The following ARHGAP6 variants were observed in gnomAD, a reference collection of about 807,000 sequenced individuals.
The protein encoded by ARHGAP6 is Rho GTPase activating protein 6.
Under a neutral mutation model 55.7 loss-of-function variants are expected in ARHGAP6, and 16 were observed. The observed-to-expected ratio is 0.29, with a 90% CI of 0.19 to 0.44. The LOEUF (loss-of-function observed/expected upper bound fraction) is 0.44, where lower values mean the gene tolerates loss of function less well. ARHGAP6 is among the 20% of genes least tolerant of loss of function. ARHGAP6 has a pLI of 1.00. For missense variants in ARHGAP6, 698 were observed against 808.9 expected, an observed-to-expected ratio of 0.86 and a Z score of 1.66; for synonymous variants, 382 against 360.9, an observed-to-expected ratio of 1.06 and a Z score of -0.66.
intron 1 of ARHGAP6, among the ~76,000 whole-genome samples, chrX:11,274,850 T>C (rs1037517580): frequency 9.0e-6 from 1 of 111,532 alleles, no homozygotes; most frequent in South Asian, 3.8e-4. Context: ...CACATGTTTT[T>C]AAAACTATGT....
At chrX:11,582,277 C>T (rs2051675542) in intron 1 of ARHGAP6, among the ~76,000 whole-genome samples, 1 of 111,273 alleles carries the variant, frequency 9.0e-6, no homozygotes, top group Non-Finnish European at 1.9e-5. Context: ...AGTCCCCCTA[C>T]AAGATACTTT....
At chrX:11,416,123 G>A (rs1434220474) in intron 1 of ARHGAP6, among the ~76,000 whole-genome samples, 1 of 111,324 alleles carries the variant, frequency 9.0e-6, no homozygotes, top group Non-Finnish European at 1.9e-5. Context: ...AAATAAAAAT[G>A]TGCCCTCCCC....
intron 1 of ARHGAP6, among the ~76,000 whole-genome samples, chrX:11,467,992 GAATAAATA>G (rs1199877737): frequency 0.029 from 1,153 of 39,673 alleles, 14 homozygotes; most frequent in African/African-American, 0.066. Flanking sequence ...ATGAATGAAT[GAATAAATA>G]AATAAATAAA....
At chrX:11,425,785 TTGAA>T (rs2049872309) in intron 1 of ARHGAP6, among the ~76,000 whole-genome samples, 1 of 112,200 alleles carries the variant, frequency 8.9e-6, no homozygotes, top group African/African-American at 3.2e-5. Flanking sequence ...TAACCATTCA[TTGAA>T]TGAATAGATT....
intron 1 of ARHGAP6, among the ~76,000 whole-genome samples, chrX:11,630,010 A>AGT (rs201976499): frequency 0.014 from 1,461 of 107,479 alleles, 18 homozygotes; most frequent in African/African-American, 0.033. Context: ...TCCCCCAACT[A>AGT]GTGTGTGTGT....
At chrX:11,236,439 A>G (rs951499681) in intron 2 of ARHGAP6, among the ~76,000 whole-genome samples, 2 of 111,228 alleles carry the variant, frequency 1.8e-5, no homozygotes, top group African/African-American at 6.6e-5. Flanking sequence ...CAGCCAAACC[A>G]TATCATGCTC....
intron 1 of ARHGAP6, among the ~76,000 whole-genome samples, chrX:11,659,533 G>T (rs971596726): frequency 2.7e-5 from 3 of 111,225 alleles, no homozygotes; most frequent in African/African-American, 9.8e-5. Flanking sequence ...AAATGCCCAC[G>T]CCCCAATCCC....
At chrX:11,662,405 C>T (rs2052712047) in intron 1 of ARHGAP6, among the ~76,000 whole-genome samples, 1 of 104,707 alleles carries the variant, frequency 9.6e-6, no homozygotes, top group African/African-American at 3.3e-5. Flanking sequence ...AAAGGAATTT[C>T]CAACACACAC....
intron 1 of ARHGAP6, chrX:11,298,476 A>G (rs1341261289): frequency 8.4e-7 from 1 of 1,193,030 alleles, no homozygotes. Context: ...ATAATGGCAA[A>G]GAAAACACTG....
chrX:11,212,828 A>T lies in ARHGAP6; in HGVS notation c.749-15832T>A, dbSNP rs746158629. On this transcript the variant is annotated intron_variant, in intron 2 of 12. Transcript: ENST00000337414. ...ATATAAAATAAAGATTAAATAAAAA[A>T]ATATATATAGGACCTGTAGATGCCG... 3.6e-5 allele frequency among the ~76,000 whole-genome samples: 4 copies of T among 112,164 alleles called. No individual in the cohort carries two copies. In the Admixed American group the frequency reaches 3.8e-4, roughly 11 times the overall value.
intron 1 of ARHGAP6, among the ~76,000 whole-genome samples, chrX:11,556,469 G>A (rs1211599535): frequency 1.8e-5 from 2 of 112,290 alleles, no homozygotes; most frequent in Non-Finnish European, 3.8e-5. Context: ...CAGCAAGGCT[G>A]CTATCTGACT....
At chrX:11,505,153 C>T (rs2050719268) in intron 1 of ARHGAP6, among the ~76,000 whole-genome samples, 1 of 110,394 alleles carries the variant, frequency 9.1e-6, no homozygotes, top group South Asian at 4.1e-4. Context: ...TACGCTTTCA[C>T]CTATGAGCTC....
chrX:11,664,600 G>A lies in ARHGAP6; in HGVS notation c.229C>T (p.Pro77Ser), dbSNP rs1459326477. The change falls in exon 1 of 13, where the codon CCT becomes TCT. Residue 77 changes from proline to serine, a missense_variant. This residue lies in a region of ARHGAP6 where 164 missense variants were observed against 149.2 expected (regional missense o/e 1.10). Transcript: ENST00000337414. ...CCCCGGGAAGAGGACGCCAAGCGAG[G>A]GCCGAGACTCTCGGCTGGGAGTGAT... ...SPSLPAESLG[P>S]RLASSSRGPP... 8.5e-7 allele frequency: 1 copy of A among 1,175,132 alleles called. No individual in the cohort carries two copies. Among genetic ancestry groups the A allele is most frequent in the Non-Finnish European group, 1.1e-6 (1 of 876,929 alleles).
chrX:11,269,263 C>T (rs192711091), intron 1 of ARHGAP6, among the ~76,000 whole-genome samples: 11 of 111,645 alleles, frequency 9.9e-5, no homozygotes, highest in African/African-American at 2.6e-4. Context: ...CCCCACTGAA[C>T]GACATCATGA....
At chrX:11,208,355 C>T (rs1310931631) in intron 2 of ARHGAP6, among the ~76,000 whole-genome samples, 1 of 111,167 alleles carries the variant, frequency 9.0e-6, no homozygotes, top group Non-Finnish European at 1.9e-5. Context: ...TTCAAAAGCC[C>T]GGGTTGTTGA....
rs2053025864 is a variant in ARHGAP6, at chrX:11,559,513, T to C, written c.588+104728A>G. Among the ~76,000 whole-genome samples, 2 of 111,971 alleles carry C rather than the reference T, an allele frequency of 1.8e-5. 1 individual carries two copies. The highest frequency in any genetic ancestry group is 7.5e-4 in the South Asian group (2 of 2,654). ...CTGATTTATTTATCTATGTCAATCA[T>C]TGGCCCCCAAGTTTTTTCCCAAACA... On this transcript the variant is annotated intron_variant, in intron 1 of 12. Transcript: ENST00000337414.
intron 10 of ARHGAP6, among the ~76,000 whole-genome samples, chrX:11,151,058 ATTCCT>A (rs1223276871): frequency 9.0e-6 from 1 of 111,158 alleles, no homozygotes; most frequent in Admixed American, 9.6e-5. Flanking sequence ...TCCTACTGTG[ATTCCT>A]TTGTTTTGTT....
In ARHGAP6 at chrX:11,574,225, T is replaced by C. The variant is rs185909092; in HGVS notation, c.588+90016A>G. On this transcript the variant is annotated intron_variant, in intron 1 of 12. Coordinates refer to ENST00000337414, the MANE Select transcript of ARHGAP6 (RefSeq NM_013427.3). ...AGGGAATCCTCCCTAACTCATTTTATGAGGCCAGCAGCATCCTGATACCAA... is the reference window on the plus strand; with the variant it reads ...AGGGAATCCTCCCTAACTCATTTTACGAGGCCAGCAGCATCCTGATACCAA... Among the ~76,000 whole-genome samples the C allele has an allele frequency of 3.0e-3, 335 of 111,607 alleles. 5 individuals are homozygous for C. In the East Asian group the frequency reaches 0.049, roughly 16 times the overall value.
intron 1 of ARHGAP6, among the ~76,000 whole-genome samples, chrX:11,635,515 C>T (rs945902204): frequency 1.4e-4 from 16 of 111,141 alleles, no homozygotes; most frequent in African/African-American, 4.9e-4. Context: ...TTAAGATATT[C>T]TCAAATGATC....
Sources: gnomAD v4.1 joint callset for allele counts (sites outside exome capture counted in the v4.1 genomes callset) on GRCh38, gnomAD v4.1.1 for gene constraint, gnomAD v4.1.1 regional missense constraint, MANE v1.5 for transcripts, NCBI Gene and HGNC (gene_info 2026-07-23, HGNC 2026-07-21) for gene names.